Variants in C10orf90 observed in about 807,000 individuals in gnomAD.
C10orf90 encodes the protein chromosome 10 open reading frame 90, also known as (E2-independent) E3 ubiquitin-conjugating enzyme FATS.
A neutral mutation model predicts 62.5 loss-of-function variants in C10orf90; 56 were observed. That is an observed-to-expected ratio of 0.90 (90% CI 0.72 to 1.12). C10orf90 has a LOEUF of 1.12. Among genes scored for constraint, C10orf90 ranks in the 50% most tolerant of loss-of-function variants. The pLI is 0.00. For missense variants in C10orf90, 970 were observed against 880.4 expected (o/e 1.10, Z -1.29); for synonymous variants, 386 against 340.4 (o/e 1.13, Z -1.47).
chr10:126,664,878 C>A (rs1220668233), intron 1 of C10orf90, among the ~76,000 whole-genome samples: 1 of 152,206 alleles, frequency 6.6e-6, no homozygotes, highest in African/African-American at 2.4e-5. Context: ...ACAGGCAGCT[C>A]CAGTTGACAG....
intron 2 of C10orf90, among the ~76,000 whole-genome samples, chr10:126,552,413 C>T (rs1360521216): frequency 2.0e-5 from 3 of 152,224 alleles, no homozygotes; most frequent in Non-Finnish European, 4.4e-5. Flanking sequence ...AGTCCCCACA[C>T]TGGTCGAGAA....
intron 2 of C10orf90, among the ~76,000 whole-genome samples, chr10:126,630,371 G>T (rs1033174554): frequency 1.1e-4 from 16 of 152,164 alleles, no homozygotes; most frequent in African/African-American, 2.9e-4. Context: ...TGGGGGTTGG[G>T]ATAGGCAAGG....
At chr10:126,521,415 G>A in intron 2 of C10orf90, 1 of 1,590,314 alleles carries the variant, frequency 6.3e-7, no homozygotes. Flanking sequence ...AATGTCCGGA[G>A]TTTACCTCTG....
intron 2 of C10orf90, among the ~76,000 whole-genome samples, chr10:126,616,300 C>G (rs1271580627): frequency 1.3e-5 from 2 of 152,186 alleles, no homozygotes; most frequent in Non-Finnish European, 2.9e-5. Flanking sequence ...CCTCTTCCGA[C>G]AAGCAATGGG....
At chr10:126,588,816 A>T (rs981621812) in intron 2 of C10orf90, among the ~76,000 whole-genome samples, 1 of 152,200 alleles carries the variant, frequency 6.6e-6, no homozygotes, top group Non-Finnish European at 1.5e-5. Flanking sequence ...ATTGACTGCA[A>T]CATCTCTCTA....
chr10:126,435,871 G>A (rs543839362), intron 7 of C10orf90, among the ~76,000 whole-genome samples: 15 of 152,214 alleles, frequency 9.9e-5, no homozygotes, highest in Admixed American at 8.5e-4. Flanking sequence ...ACTCCTGGAA[G>A]ACAGGAAAGT....
chr10:126,554,767 G>C (rs1048592119), intron 2 of C10orf90, among the ~76,000 whole-genome samples: 7 of 152,150 alleles, frequency 4.6e-5, no homozygotes, highest in Non-Finnish European at 7.4e-5. Context: ...AAATGTGTAT[G>C]AAAGTCAAAG....
At chr10:126,516,721 G>T (rs56212030) in intron 2 of C10orf90, among the ~76,000 whole-genome samples, 14,347 of 152,244 alleles carry the variant, frequency 0.094, 863 homozygotes, top group South Asian at 0.2. Flanking sequence ...CAAATTCAGG[G>T]CTTACACAAC....
chr10:126,646,503 G>C (rs1846174365), intron 2 of C10orf90, 62 bp downstream of exon 2: 1 of 350,912 alleles, frequency 2.8e-6, no homozygotes, highest in Non-Finnish European at 5.6e-6. Context: ...AAAAGAGAGA[G>C]AGAGAGAGAG....
chr10:126,652,195 C>G (rs1221334906), intron 1 of C10orf90, among the ~76,000 whole-genome samples: 1 of 152,204 alleles, frequency 6.6e-6, no homozygotes, highest in African/African-American at 2.4e-5. Context: ...ATTTATTGCT[C>G]TACCATGATT....
chr10:126,616,098 C>A (rs927923102), intron 2 of C10orf90, among the ~76,000 whole-genome samples: 5 of 152,204 alleles, frequency 3.3e-5, no homozygotes, highest in Non-Finnish European at 5.9e-5. Context: ...TACACAGGCC[C>A]CCCACCACCC....
chr10:126,601,761 A>G (rs1211388685), intron 2 of C10orf90, among the ~76,000 whole-genome samples: 1 of 152,264 alleles, frequency 6.6e-6, no homozygotes, highest in Non-Finnish European at 1.5e-5. Context: ...GCCCTCCTAA[A>G]GAATAGCGGG....
At chr10:126,598,217 C>T (rs1471735390) in intron 2 of C10orf90, among the ~76,000 whole-genome samples, 1 of 152,166 alleles carries the variant, frequency 6.6e-6, no homozygotes, top group Admixed American at 6.5e-5. Flanking sequence ...TGGTCCCATA[C>T]ACAGGATGCT....
At chr10:126,517,838 A>C (rs535091377) in intron 2 of C10orf90, among the ~76,000 whole-genome samples, 70 of 142,768 alleles carry the variant, frequency 4.9e-4, no homozygotes, top group Non-Finnish European at 8.9e-4. Flanking sequence ...TGAACCCAGG[A>C]GGTAGAGGTT....
At chr10:126,605,883 A>G (rs1040131446) in intron 2 of C10orf90, among the ~76,000 whole-genome samples, 1 of 147,850 alleles carries the variant, frequency 6.8e-6, no homozygotes, top group South Asian at 2.1e-4. Flanking sequence ...ATACATGCAT[A>G]CATACATACA....
intron 2 of C10orf90, among the ~76,000 whole-genome samples, chr10:126,547,226 T>C (rs1864516601): frequency 1.3e-5 from 2 of 152,036 alleles, no homozygotes; most frequent in South Asian, 2.1e-4. Context: ...GAGACCATCC[T>C]GGCTAACGCG....
intron 1 of C10orf90, among the ~76,000 whole-genome samples, chr10:126,657,118 A>C (rs1267196984): frequency 6.6e-6 from 1 of 152,180 alleles, no homozygotes; most frequent in African/African-American, 2.4e-5. Context: ...CCATTCATTC[A>C]GTTTAATGTC....
chr10:126,669,382 C>T (rs917794621), intron 1 of C10orf90, among the ~76,000 whole-genome samples: 1 of 152,140 alleles, frequency 6.6e-6, no homozygotes, highest in Non-Finnish European at 1.5e-5. Context: ...AAAGACCTGG[C>T]GTATTTGCCA....
chr10:126,632,604 C>T (rs1845872374), intron 2 of C10orf90, among the ~76,000 whole-genome samples: 1 of 152,026 alleles, frequency 6.6e-6, no homozygotes, highest in Admixed American at 6.6e-5. Flanking sequence ...ACACTATGCA[C>T]TACTGCTTTG....
Sources: gnomAD v4.1 joint callset for allele counts (sites outside exome capture counted in the v4.1 genomes callset) on GRCh38, gnomAD v4.1.1 for gene constraint, MANE v1.5 for transcripts, NCBI Gene and HGNC (gene_info 2026-07-23, HGNC 2026-07-21) for gene names.